Variants in SPACA6 observed in about 807,000 individuals in gnomAD.
SPACA6 encodes the protein sperm acrosome associated 6.
For missense variants in SPACA6, 8 were observed against 2.8 expected, an observed-to-expected ratio of 2.88 and a Z score of -1.34; for synonymous variants, 6 against 1.5, an observed-to-expected ratio of 4.05 and a Z score of -2.21.
In SPACA6 at chr19:51,693,543, T is replaced by C. The variant is rs957669476; in HGVS notation, c.17T>C (p.Leu6Pro). MALLALASAVPSALLA... is the reference protein window; with the variant it reads MALLAPASAVPSALLA... ...ACCCACACGATGGCCCTGCTGGCTCTGGCCAGTGCCGTCCCGTCTGCCCTG... is the reference window on the plus strand; with the variant it reads ...ACCCACACGATGGCCCTGCTGGCTCCGGCCAGTGCCGTCCCGTCTGCCCTG... Residue 6 changes from leucine to proline, a missense_variant, in exon 1 of 9, where the codon CTG becomes CCG. Physicochemically the swap from Leu to Pro is moderately conservative, Grantham distance 98 (BLOSUM62 -3). Coordinates refer to ENST00000637797, the MANE Select transcript of SPACA6 (RefSeq NM_001316972.2). 1.3e-5 allele frequency: 6 copies of C among 479,424 alleles called. No homozygotes were observed. Among genetic ancestry groups the C allele is most frequent in the African/African-American group, 1.2e-4 (6 of 52,172 alleles). The allele number at this position is 479,424 out of a possible 1,614,324, so 29.7% of individuals were successfully genotyped here.
rs1463632917 is a variant in SPACA6 at position 51,693,751 on chromosome 19, C to A, written c.214+11C>A. 1 of 406,848 alleles carries A rather than the reference C, an allele frequency of 2.5e-6. No individual in the cohort carries two copies. Among genetic ancestry groups the A allele is most frequent in the African/African-American group, 2.0e-5 (1 of 49,024 alleles). 25.2% of individuals were successfully genotyped at this position (406,848 alleles called of 1,614,324 possible). A position where few individuals can be genotyped will look rare whatever the true frequency, so the allele number is the denominator to read the frequency against. On this transcript the variant is annotated intron_variant, in intron 1 of 8. Transcript: ENST00000637797. ...CTGACACCGAAATCAGTGAGGAGAC[C>A]ATCCACACTTCATCAGTGTCCTGGG...
chr19:51,707,229 C>T (rs1184644973), downstream of SPACA6, among the ~76,000 whole-genome samples: 4 of 125,272 alleles, frequency 3.2e-5, 1 homozygote, highest in African/African-American at 1.5e-4. Context: ...TCTCTCTCTC[C>T]CTTTTTTTTT....
At chr19:51,687,313 C>A (rs536441937), upstream of SPACA6, 19 of 149,832 alleles carry the variant, frequency 1.3e-4, no homozygotes, top group African/African-American at 3.7e-4. Flanking sequence ...ATAAGCAAAT[C>A]TGTAAATATC....
intron 2 of SPACA6, among the ~76,000 whole-genome samples, chr19:51,699,205 G>T (rs2083450877): frequency 6.6e-6 from 1 of 152,122 alleles, no homozygotes; most frequent in Non-Finnish European, 1.5e-5. Context: ...GATGGTGTCT[G>T]GATATGTTGC....
At chr19:51,688,878 G>A (rs1316468469), upstream of SPACA6, among the ~76,000 whole-genome samples, 2 of 145,562 alleles carry the variant, frequency 1.4e-5, no homozygotes, top group African/African-American at 5.1e-5. Context: ...AGAATGACAG[G>A]AGCAGAGAGG....
chr19:51,699,077 C>T (rs998024114), intron 2 of SPACA6, among the ~76,000 whole-genome samples: 1 of 152,162 alleles, frequency 6.6e-6, no homozygotes, highest in African/African-American at 2.4e-5. Context: ...GTGGTGCAAT[C>T]ATAGCTCACT....
intron 2 of SPACA6, among the ~76,000 whole-genome samples, chr19:51,700,375 G>T: frequency 6.6e-6 from 1 of 152,216 alleles, no homozygotes; most frequent in East Asian, 1.9e-4. Flanking sequence ...TTTCAAGGGA[G>T]TGACTGCTAC....
chr19:51,692,605 GGGT>G, upstream of SPACA6: 1 of 526,676 alleles, frequency 1.9e-6, no homozygotes, highest in South Asian at 1.4e-5. The surrounding 1 kb of genome is among the most constrained non-coding windows in gnomAD (Gnocchi z 5.6). Flanking sequence ...CCGGACTCCT[GGGT>G]CCTGGCACCC....
chr19:51,704,986 G>C lies in SPACA6; in HGVS notation c.942-104G>C, dbSNP rs2083507087. 4 of 392,328 alleles carry C rather than the reference G, an allele frequency of 1.0e-5. No individual in the cohort carries two copies. The South Asian group carries it at 5.4e-4, about 53-fold the overall frequency. The allele number at this position is 392,328 out of a possible 1,614,324, so 24.3% of individuals were successfully genotyped here. A position where few individuals can be genotyped will look rare whatever the true frequency, so the allele number is the denominator to read the frequency against. ...GCCCCCTCCTCCCTCAGAACCAGGAGTCCGGGCCCTGTACACCTTTTTGAC... is the reference window on the plus strand; with the variant it reads ...GCCCCCTCCTCCCTCAGAACCAGGACTCCGGGCCCTGTACACCTTTTTGAC... On this transcript the variant is annotated intron_variant, in intron 8 of 8. Transcript: ENST00000637797.
chr19:51,696,592 T>A (rs2083432569), intron 2 of SPACA6, among the ~76,000 whole-genome samples: 1 of 151,296 alleles, frequency 6.6e-6, no homozygotes, highest in African/African-American at 2.4e-5. Context: ...GGACTATAGG[T>A]GTGCGCCACC....
At chr19:51,694,664 G>C (rs1237352644) in intron 2 of SPACA6, 109 bp downstream of exon 2, 8 of 398,436 alleles carry the variant, frequency 2.0e-5, no homozygotes, top group Non-Finnish European at 3.5e-5. Context: ...GTTGGGCAGT[G>C]ATCCGGGAGG....
At chr19:51,692,902 C>T (rs771736530), upstream of SPACA6, 33 of 531,456 alleles carry the variant, frequency 6.2e-5, no homozygotes, top group Non-Finnish European at 1.1e-4. This position sits in a 1 kb window ranked among gnomAD's most constrained non-coding sequence, Gnocchi z 5.6. Context: ...CGGGGACCCC[C>T]AGCCCCACTC....
At chr19:51,711,525 A>G (rs551611970) in intron 2 of SPACA6, among the ~76,000 whole-genome samples, 28 of 152,352 alleles carry the variant, frequency 1.8e-4, no homozygotes, top group Admixed American at 7.2e-4. Flanking sequence ...AAACCCAGCA[A>G]TTCAATTTCT....
downstream of SPACA6, chr19:51,712,428 C>T (rs978871610): frequency 1.1e-4 from 16 of 152,182 alleles, no homozygotes. Context: ...CAGTTGTTTA[C>T]AGGGAAACTG....
chr19:51,704,622 C>T, intron 8 of SPACA6, 142 bp downstream of exon 8: 1 of 399,602 alleles, frequency 2.5e-6, no homozygotes, highest in Non-Finnish European at 4.4e-6. Context: ...AGTCCAGGTC[C>T]CAGCCCCTCT....
upstream of SPACA6, among the ~76,000 whole-genome samples, chr19:51,691,734 C>T (rs1048707087): frequency 4.1e-5 from 6 of 147,140 alleles, no homozygotes; most frequent in Non-Finnish European, 8.9e-5. Flanking sequence ...GCAGGGGCAG[C>T]GAGAACCAGA....
chr19:51,694,052 G>T, intron 1 of SPACA6: 1 of 258,432 alleles, frequency 3.9e-6, no homozygotes, highest in Non-Finnish European at 6.9e-6. Context: ...AGTATGGAGA[G>T]TCAGAGAGGG....
chr19:51,705,331 G>C (rs2083510383), downstream of SPACA6: 1 of 380,132 alleles, frequency 2.6e-6, no homozygotes, highest in Non-Finnish European at 4.7e-6. Context: ...TGGGAACCCA[G>C]ATACCCCCTC....
chr19:51,711,618 C>T (rs1392937251), intron 2 of SPACA6, among the ~76,000 whole-genome samples: 4 of 152,130 alleles, frequency 2.6e-5, no homozygotes, highest in African/African-American at 9.7e-5. Flanking sequence ...ATTCATACAG[C>T]CAAGAGGTGG....
Sources: allele counts gnomAD v4.1 joint callset (sites outside exome capture counted in the v4.1 genomes callset), GRCh38; gene constraint gnomAD v4.1.1; non-coding constraint Gnocchi (gnomAD v3.1); transcripts MANE v1.5; gene names NCBI Gene and HGNC (gene_info 2026-07-23, HGNC 2026-07-21).